DISC1: variants seen among roughly 807,000 people sequenced by gnomAD.
DISC1 encodes the protein DISC1 scaffold protein.
DISC1 carries 57 observed loss-of-function variants against 84.5 expected under a neutral mutation model. The observed-to-expected ratio is 0.67, with a 90% confidence interval of 0.55 to 0.84. DISC1 has a LOEUF of 0.84. Ranked by LOEUF, DISC1 falls within the 40% of genes least tolerant of loss-of-function variation. The probability of loss-of-function intolerance (pLI) is 0.00; values close to 1 mark genes in which losing one functional copy is unlikely to be tolerated. For missense variants in DISC1, 1,000 were observed against 1,057.8 expected, an observed-to-expected ratio of 0.95 and a Z score of 0.76; for synonymous variants, 411 against 415.2, an observed-to-expected ratio of 0.99 and a Z score of 0.12.
intron 8 of DISC1, among the ~76,000 whole-genome samples, chr1:231,805,395 T>G (rs2079622804): frequency 6.6e-6 from 1 of 152,110 alleles, no homozygotes; most frequent in Admixed American, 6.5e-5. Flanking sequence ...CATGGCAGCA[T>G]CTGCTTGGCT....
intron 8 of DISC1, among the ~76,000 whole-genome samples, chr1:231,807,823 C>T (rs776847219): frequency 2.6e-5 from 4 of 152,144 alleles, no homozygotes; most frequent in Non-Finnish European, 5.9e-5. Flanking sequence ...GCTATTTTGG[C>T]ACAAGATGAA....
At chr1:231,963,790 A>G (rs1016083324) in intron 10 of DISC1, among the ~76,000 whole-genome samples, 2 of 152,186 alleles carry the variant, frequency 1.3e-5, no homozygotes, top group African/African-American at 2.4e-5. Flanking sequence ...TCCCCGAGTG[A>G]GCAATTCCTG....
chr1:231,757,300 C>T (rs1183591376), intron 4 of DISC1, among the ~76,000 whole-genome samples: 1 of 152,096 alleles, frequency 6.6e-6, no homozygotes, highest in Non-Finnish European at 1.5e-5. Context: ...CACAGATCTC[C>T]TGAGTTATTC....
At chr1:231,829,853 C>T (rs1476705291) in intron 9 of DISC1, among the ~76,000 whole-genome samples, 1 of 144,554 alleles carries the variant, frequency 6.9e-6, no homozygotes, top group South Asian at 2.2e-4. Flanking sequence ...GGGTTGTTCT[C>T]TGGCGGGCAG....
At chr1:231,909,797 G>A (rs561461616) in intron 9 of DISC1, among the ~76,000 whole-genome samples, 46 of 152,224 alleles carry the variant, frequency 3.0e-4, no homozygotes, top group Admixed American at 1.8e-3. Flanking sequence ...CTGTGAATCC[G>A]TCTGGTCCTG....
chr1:231,631,824 A>T (rs2058734056), intron 1 of DISC1, among the ~76,000 whole-genome samples: 1 of 152,154 alleles, frequency 6.6e-6, no homozygotes, highest in Non-Finnish European at 1.5e-5. Flanking sequence ...AAAAAAATTT[A>T]AATGAATTTA....
In DISC1 at chr1:231,694,052, T is replaced by G. The variant is rs1293467338; in HGVS notation, c.294T>G (p.Pro98=). Reference sequence around the variant, plus strand: ...CGAGAGGCCTCTTGGTCCGGAGCCCTGTTTCCAAGAGTGCAGCAGCCCCTA... The same window carrying G: ...CGAGAGGCCTCTTGGTCCGGAGCCCGGTTTCCAAGAGTGCAGCAGCCCCTA... ...LDSRGLLVRS[P]VSKSAAAPTV... The change falls in exon 2 of 13, where the codon CCT becomes CCG. Residue 98 remains proline, a synonymous_variant. Coordinates refer to ENST00000439617, the MANE Select transcript of DISC1 (RefSeq NM_018662.3). The G allele has an allele frequency of 6.2e-7, 1 of 1,614,080 alleles. No individual in the cohort carries two copies. The highest frequency in any genetic ancestry group is 8.5e-7 in the Non-Finnish European group (1 of 1,180,026).
chr1:231,691,297 G>A (rs560252393), intron 1 of DISC1, among the ~76,000 whole-genome samples: 2 of 152,158 alleles, frequency 1.3e-5, no homozygotes, highest in Admixed American at 1.3e-4. Context: ...TGGGCGTGGT[G>A]GCAGGCACCC....
intron 11 of DISC1, among the ~76,000 whole-genome samples, chr1:232,015,929 A>G (rs1426010383): frequency 1.3e-5 from 2 of 152,168 alleles, no homozygotes; most frequent in Non-Finnish European, 2.9e-5. Context: ...TATGATTAGG[A>G]ACCTCAGGCC....
At chr1:231,657,691 CTGCA>C (rs2061225703) in intron 1 of DISC1, among the ~76,000 whole-genome samples, 1 of 152,186 alleles carries the variant, frequency 6.6e-6, no homozygotes, top group Non-Finnish European at 1.5e-5. Flanking sequence ...TTTCAATTTT[CTGCA>C]TATGGCTAGC....
intron 9 of DISC1, among the ~76,000 whole-genome samples, chr1:231,906,759 T>G (rs548109455): frequency 1.3e-5 from 2 of 151,988 alleles, no homozygotes; most frequent in Admixed American, 6.5e-5. Flanking sequence ...TTAGTAATTA[T>G]ATTTGGCTCC....
At chr1:231,852,849 G>A (rs1394708436) in intron 9 of DISC1, among the ~76,000 whole-genome samples, 1 of 152,116 alleles carries the variant, frequency 6.6e-6, no homozygotes, top group Non-Finnish European at 1.5e-5. Flanking sequence ...AGGGATTTTT[G>A]TTTTTAACAT....
In DISC1 at chr1:231,630,945, C is replaced by A. The variant is rs2058660918; in HGVS notation, c.67+4011C>A. Among the ~76,000 whole-genome samples, 1 of 152,186 alleles carries A rather than the reference C, an allele frequency of 6.6e-6. No homozygotes were observed. The highest frequency in any genetic ancestry group is 1.5e-5 in the Non-Finnish European group (1 of 68,042). ...GCTGTAGAAGGTAGGCAGGGGCTCA[C>A]ATGGTGTGCACAGCCCCTTATATGA... On this transcript the variant is annotated intron_variant, in intron 1 of 12. Transcript: ENST00000439617. The surrounding 1 kb of genome is among the most constrained non-coding windows in gnomAD (Gnocchi z 4.4).
At chr1:231,733,118 T>TGGTGGTGGTG (rs2071805894) in intron 3 of DISC1, among the ~76,000 whole-genome samples, 1 of 150,722 alleles carries the variant, frequency 6.6e-6, no homozygotes, top group Admixed American at 6.6e-5. Flanking sequence ...GTGGTAGTGG[T>TGGTGGTGGTG]AGGAGTGGTG....
chr1:231,795,362 A>G (rs2078677474), intron 7 of DISC1, 66 bp downstream of exon 7: 11 of 1,428,914 alleles, frequency 7.7e-6, no homozygotes, highest in Non-Finnish European at 4.9e-6. Flanking sequence ...TTGATTTTAC[A>G]TCTAGATCTT....
intron 12 of DISC1, among the ~76,000 whole-genome samples, chr1:232,035,013 G>A (rs1037186978): frequency 7.2e-5 from 11 of 152,166 alleles, no homozygotes; most frequent in Non-Finnish European, 1.5e-5. Flanking sequence ...AGCAGTAAAT[G>A]CATGTAAATT....
At chr1:231,774,777 G>A (rs2076834183) in intron 6 of DISC1, 1 of 455,896 alleles carries the variant, frequency 2.2e-6, no homozygotes, top group African/African-American at 2.0e-5. Context: ...CAGAAGTGAA[G>A]CATTTGAAAG....
At chr1:231,732,723 T>C (rs184696630) in intron 3 of DISC1, among the ~76,000 whole-genome samples, 2 of 152,366 alleles carry the variant, frequency 1.3e-5, no homozygotes, top group Non-Finnish European at 2.9e-5. Context: ...GTAAGTGCTT[T>C]CAATGCATAT....
chr1:232,005,681 G>C (rs1667333261), intron 10 of DISC1, among the ~76,000 whole-genome samples: 1 of 151,318 alleles, frequency 6.6e-6, no homozygotes, highest in Admixed American at 6.6e-5. Flanking sequence ...ATGGACATGG[G>C]CTTTGAGAGA....
Sources: gnomAD v4.1 joint callset for allele counts (sites outside exome capture counted in the v4.1 genomes callset) on GRCh38, gnomAD v4.1.1 for gene constraint, Gnocchi (gnomAD v3.1) non-coding constraint, MANE v1.5 for transcripts, NCBI Gene and HGNC (gene_info 2026-07-23, HGNC 2026-07-21) for gene names.